Variants in COL21A1 observed in about 807,000 individuals in gnomAD.
COL21A1 encodes the protein collagen alpha-1(XXI) chain.
A neutral mutation model predicts 137.9 loss-of-function variants in COL21A1; 149 were observed. The observed-to-expected ratio is 1.08, with a 90% CI of 0.95 to 1.24. The LOEUF is 1.24. Ranked by LOEUF, COL21A1 falls within the 50% of genes most tolerant of loss-of-function variation. The probability of loss-of-function intolerance (pLI) is 0.00; values close to 1 mark genes in which losing one functional copy is unlikely to be tolerated. For synonymous variants in COL21A1, 456 were observed against 391.5 expected (o/e 1.16, Z -1.95); for missense variants, 1,167 against 1,158.4 (o/e 1.01, Z -0.11).
intron 12 of COL21A1, among the ~76,000 whole-genome samples, chr6:56,134,702 C>A (rs1773845552): frequency 6.6e-6 from 1 of 152,190 alleles, no homozygotes; most frequent in Non-Finnish European, 1.5e-5. Flanking sequence ...TGGGGTGGGT[C>A]TTTCCTGTGC....
intron 1 of COL21A1, among the ~76,000 whole-genome samples, chr6:56,313,395 C>T (rs927920609): frequency 3.9e-5 from 6 of 152,054 alleles, no homozygotes; most frequent in African/African-American, 1.4e-4. Flanking sequence ...TCATAGGATG[C>T]ATGCCAAAAC....
chr6:56,097,801 C>CTATATAAATA (rs1255007255), intron 17 of COL21A1, among the ~76,000 whole-genome samples: 1 of 79,850 alleles, frequency 1.3e-5, no homozygotes, highest in African/African-American at 4.9e-5. Context: ...ATATATAAAT[C>CTATATAAATA]TATATAAATA....
chr6:56,294,018 T>G (rs1033667057), intron 1 of COL21A1, among the ~76,000 whole-genome samples: 2 of 152,116 alleles, frequency 1.3e-5, no homozygotes, highest in Non-Finnish European at 2.9e-5. Context: ...GAGTCAAACG[T>G]AATTAAAATA....
rs1212418000 is a variant in COL21A1 at position 56,164,421 on chromosome 6, A to C, written c.1371+2T>G. ...AAAAACAGCAAGTTAGGTGTTACCC[A>C]CTTTGGGGCCTTGAAGTCCTGGTTT... On this transcript the variant is annotated splice_donor_variant, in intron 9 of 29. Transcript: ENST00000244728. LOFTEE classifies it high-confidence loss of function. 1.3e-6 allele frequency: 2 copies of C among 1,572,618 alleles called. No homozygotes were observed. The highest frequency in any genetic ancestry group is 1.4e-5 in the African/African-American group (1 of 74,070).
Position 56,182,598 on chromosome 6 carries a change from A to G in COL21A1, c.21T>C (p.Phe7=). MAHYIT[F]LCMVLVLLLQ... ...GAAGCAGCACCAAAACCATGCAGAG[A>G]AATGTAATATAGTGAGCCATGTTTC... Residue 7 remains phenylalanine, a synonymous_variant, in exon 2 of 30, where the codon TTT becomes TTC. Coordinates refer to ENST00000244728, the MANE Select transcript of COL21A1 (RefSeq NM_030820.4). 6.2e-7 allele frequency: 1 copy of G among 1,604,108 alleles called. No homozygotes were observed. Among genetic ancestry groups the G allele is most frequent in the Non-Finnish European group, 8.5e-7 (1 of 1,174,248 alleles).
chr6:56,157,696 A>G (rs766689780), intron 9 of COL21A1, among the ~76,000 whole-genome samples: 2 of 152,210 alleles, frequency 1.3e-5, no homozygotes, highest in Non-Finnish European at 1.5e-5. Flanking sequence ...TAGTCTGTAG[A>G]CCATGTGATC....
chr6:56,171,432 G>C (rs1420319919), intron 3 of COL21A1, among the ~76,000 whole-genome samples: 1 of 151,722 alleles, frequency 6.6e-6, no homozygotes, highest in East Asian at 1.9e-4. Context: ...TGAGACAATA[G>C]CAATATGAGA....
intron 1 of COL21A1, among the ~76,000 whole-genome samples, chr6:56,223,602 C>T (rs959209892): frequency 2.0e-5 from 3 of 151,882 alleles, no homozygotes; most frequent in African/African-American, 7.3e-5. Context: ...ATGATAATTA[C>T]AGCTATTACA....
chr6:56,112,077 G>A (rs1023577575), intron 16 of COL21A1, among the ~76,000 whole-genome samples: 2 of 151,940 alleles, frequency 1.3e-5, no homozygotes, highest in East Asian at 3.9e-4. Context: ...GCGTTGTTGA[G>A]GAAAGAATAT....
chr6:56,190,285 A>G (rs1778574656), intron 1 of COL21A1, among the ~76,000 whole-genome samples: 2 of 152,198 alleles, frequency 1.3e-5, no homozygotes, highest in Non-Finnish European at 1.5e-5. Context: ...CAGAAATACA[A>G]ACTACCATCA....
intron 3 of COL21A1, among the ~76,000 whole-genome samples, chr6:56,171,347 T>C (rs1777041092): frequency 1.3e-5 from 2 of 151,920 alleles, no homozygotes; most frequent in Non-Finnish European, 2.9e-5. Flanking sequence ...AATATGCTTT[T>C]TTCTCTAAAA....
chr6:56,326,006 ATTATGT>A (rs1765079950), intron 1 of COL21A1, among the ~76,000 whole-genome samples: 1 of 4,352 alleles, frequency 2.3e-4, no homozygotes, highest in African/African-American at 6.9e-4. Context: ...ACATACATAT[ATTATGT>A]ATATGTATAT....
chr6:56,113,704 T>C (rs73461322), intron 16 of COL21A1, among the ~76,000 whole-genome samples: 2,429 of 152,158 alleles, frequency 0.016, 62 homozygotes, highest in African/African-American at 0.054. Flanking sequence ...GGAAACTCTG[T>C]ATTACACCTT....
At chr6:56,060,819 T>C in intron 26 of COL21A1, 24 bp from the exon 27 acceptor site, 1 of 1,596,530 alleles carries the variant, frequency 6.3e-7, no homozygotes, top group South Asian at 1.1e-5. Flanking sequence ...TTAGGGGTTA[T>C]AACATGCACA....
At chr6:56,278,925 C>A (rs1327239046) in intron 1 of COL21A1, among the ~76,000 whole-genome samples, 1 of 152,152 alleles carries the variant, frequency 6.6e-6, no homozygotes, top group Admixed American at 6.5e-5. Flanking sequence ...GTTGCTTAGG[C>A]TGAGCTAGGG....
intron 1 of COL21A1, among the ~76,000 whole-genome samples, chr6:56,328,709 G>C (rs1336918125): frequency 3.3e-5 from 5 of 152,080 alleles, no homozygotes; most frequent in African/African-American, 1.2e-4. Flanking sequence ...GAGTTACTTT[G>C]TAAGTACTGA....
chr6:56,106,769 C>A (rs957750027), intron 16 of COL21A1, among the ~76,000 whole-genome samples: 2 of 151,894 alleles, frequency 1.3e-5, no homozygotes, highest in African/African-American at 2.4e-5. Context: ...AATACTGTAA[C>A]CTGGATTAAC....
At chr6:56,204,564 C>T (rs150723545) in intron 1 of COL21A1, among the ~76,000 whole-genome samples, 2 of 152,286 alleles carry the variant, frequency 1.3e-5, no homozygotes, top group African/African-American at 4.8e-5. Context: ...CTTCAACATA[C>T]GTAAACATCC....
intron 19 of COL21A1, among the ~76,000 whole-genome samples, chr6:56,075,072 CTG>C (rs1451912146): frequency 2.6e-5 from 4 of 151,182 alleles, no homozygotes; most frequent in Non-Finnish European, 5.9e-5. Flanking sequence ...ATAATTTACT[CTG>C]TTTTAGGAGC....
Sources: allele counts gnomAD v4.1 joint callset (sites outside exome capture counted in the v4.1 genomes callset), GRCh38; gene constraint gnomAD v4.1.1; transcripts MANE v1.5; gene names NCBI Gene and HGNC (gene_info 2026-07-23, HGNC 2026-07-21).